The following DNAJB6 variants were observed in gnomAD, a reference collection of about 807,000 sequenced individuals.
DNAJB6 encodes the protein dnaJ homolog subfamily B member 6.
A neutral mutation model predicts 42.7 loss-of-function variants in DNAJB6; 16 were observed. The ratio of observed to expected loss-of-function variants is 0.37; its 90% CI spans 0.25 to 0.57. DNAJB6 has a LOEUF of 0.57. DNAJB6 is among the 20% of genes least tolerant of loss of function. The pLI, the probability that DNAJB6 is intolerant of heterozygous loss-of-function variation, is 0.74. For synonymous variants in DNAJB6, 170 were observed against 163.5 expected (o/e 1.04, Z -0.30); for missense variants, 347 against 416.8 (o/e 0.83, Z 1.46).
At chr7:157,358,096 A>G (rs748459047) in intron 1 of DNAJB6, among the ~76,000 whole-genome samples, 1 of 152,036 alleles carries the variant, frequency 6.6e-6, no homozygotes, top group Non-Finnish European at 1.5e-5. Flanking sequence ...TCCCATGTGA[A>G]GTTAGTTCAG....
At chr7:157,412,444 G>A (rs989248288) in intron 9 of DNAJB6, 4 of 152,216 alleles carry the variant, frequency 2.6e-5, no homozygotes, top group African/African-American at 7.2e-5. Flanking sequence ...AAAGTCACAC[G>A]GGTGCAGACC....
At chr7:157,400,327 G>A (rs4716716) in intron 8 of DNAJB6, among the ~76,000 whole-genome samples, 3,266 of 50,980 alleles carry the variant, frequency 0.064, no homozygotes, top group African/African-American at 0.13. Context: ...GGAGGTCTGA[G>A]CATGGGGGAT....
chr7:157,385,150 T>A, intron 7 of DNAJB6, 142 bp downstream of exon 7: 1 of 863,230 alleles, frequency 1.2e-6, no homozygotes, highest in Non-Finnish European at 1.7e-6. Flanking sequence ...CTCTCCAAAT[T>A]CATTAATTAA....
At chr7:157,395,968 G>GACGTA (rs1485930560) in intron 8 of DNAJB6, among the ~76,000 whole-genome samples, 2 of 131,248 alleles carry the variant, frequency 1.5e-5, no homozygotes, top group East Asian at 4.5e-4. Flanking sequence ...TTTTTTTGGA[G>GACGTA]ACGTAGTCTT....
intron 1 of DNAJB6, among the ~76,000 whole-genome samples, chr7:157,346,676 G>C (rs532217434): frequency 6.6e-5 from 10 of 152,274 alleles, no homozygotes; most frequent in Middle Eastern, 3.4e-3. Flanking sequence ...TTGAATGCAG[G>C]TAACCTTTCA....
intron 1 of DNAJB6, chr7:157,339,800 T>C (rs1230108759): frequency 1.3e-5 from 2 of 152,314 alleles, no homozygotes; most frequent in African/African-American, 2.4e-5. Flanking sequence ...TAATTTTTTC[T>C]ATTTTTATTA....
intron 5 of DNAJB6, among the ~76,000 whole-genome samples, chr7:157,376,356 G>GGCC (rs1429823490): frequency 2.1e-5 from 3 of 145,738 alleles, no homozygotes; most frequent in African/African-American, 8.4e-5. Flanking sequence ...TAATGCATTG[G>GGCC]TCTTAGTATT....
intron 8 of DNAJB6, among the ~76,000 whole-genome samples, chr7:157,397,152 C>G (rs7341482): frequency 0.14 from 20,619 of 152,226 alleles, 2,775 homozygotes; most frequent in African/African-American, 0.35. Flanking sequence ...TGAAGCCAGC[C>G]CCGTGCGTCT....
intron 8 of DNAJB6, among the ~76,000 whole-genome samples, chr7:157,400,018 G>A (rs1410536914): frequency 1.3e-5 from 2 of 152,204 alleles, no homozygotes; most frequent in African/African-American, 2.4e-5. Flanking sequence ...TGATGCAGGT[G>A]TTCAAAGTTT....
chr7:157,369,317 A>G (rs945451992), intron 5 of DNAJB6: 3 of 456,618 alleles, frequency 6.6e-6, no homozygotes, highest in East Asian at 1.4e-4. Flanking sequence ...TGACCTTTGC[A>G]TCTTGCTGTA....
intron 1 of DNAJB6, among the ~76,000 whole-genome samples, chr7:157,351,436 T>G (rs1459136600): frequency 6.6e-6 from 1 of 151,688 alleles, no homozygotes; most frequent in East Asian, 1.9e-4. Flanking sequence ...GAGACCATCC[T>G]GGCTGGCATG....
At chr7:157,339,127 C>T (rs762995467) in intron 1 of DNAJB6, among the ~76,000 whole-genome samples, 1 of 152,026 alleles carries the variant, frequency 6.6e-6, no homozygotes, top group African/African-American at 2.4e-5. Context: ...ATACCTGTTA[C>T]TGAGTGGCGT....
At chr7:157,404,466 CTTTTTT>C (rs55793060) in intron 8 of DNAJB6, among the ~76,000 whole-genome samples, 2 of 103,210 alleles carry the variant, frequency 1.9e-5, no homozygotes, top group Non-Finnish European at 3.6e-5. Context: ...TAATTTTTGT[CTTTTTT>C]TTTTTTTTTT....
intron 1 of DNAJB6, among the ~76,000 whole-genome samples, chr7:157,340,389 G>A (rs1798299241): frequency 6.6e-6 from 1 of 151,898 alleles, no homozygotes; most frequent in African/African-American, 2.4e-5. Flanking sequence ...AGGATGAATA[G>A]AATTTGAGAA....
At chr7:157,337,751 A>C (rs1798123335) in intron 1 of DNAJB6, 1 of 152,260 alleles carries the variant, frequency 6.6e-6, no homozygotes, top group Admixed American at 6.5e-5. Flanking sequence ...AAGAATCTGC[A>C]CCGTAGTTGA....
At chr7:157,347,826 C>T (rs186065280) in intron 1 of DNAJB6, among the ~76,000 whole-genome samples, 7 of 152,236 alleles carry the variant, frequency 4.6e-5, no homozygotes, top group Non-Finnish European at 8.8e-5. Context: ...GTTGGAGTCT[C>T]GCTCTGTCAC....
chr7:157,344,412 C>G (rs1019135966), intron 1 of DNAJB6, among the ~76,000 whole-genome samples: 1 of 150,872 alleles, frequency 6.6e-6, no homozygotes, highest in South Asian at 2.1e-4. Context: ...ACTCGGGAGG[C>G]TGATGCAGGA....
intron 2 of DNAJB6, among the ~76,000 whole-genome samples, chr7:157,360,350 TC>T (rs888384494): frequency 1.3e-5 from 2 of 152,090 alleles, no homozygotes; most frequent in Non-Finnish European, 2.9e-5. Context: ...TTCAGTTACC[TC>T]CCCCTGGGTC....
At chr7:157,402,808 G>A (rs540256247) in intron 8 of DNAJB6, among the ~76,000 whole-genome samples, 1 of 152,342 alleles carries the variant, frequency 6.6e-6, no homozygotes, top group East Asian at 1.9e-4. Context: ...AGGGTAAACC[G>A]GAACGTTGTT....
Sources: allele counts gnomAD v4.1 joint callset (sites outside exome capture counted in the v4.1 genomes callset), GRCh38; gene constraint gnomAD v4.1.1; transcripts MANE v1.5; gene names NCBI Gene and HGNC (gene_info 2026-07-23, HGNC 2026-07-21).